SPATA31E1: variants seen among roughly 807,000 people sequenced by gnomAD.
SPATA31E1 encodes the protein SPATA31 subfamily E member 1, also known as spermatogenesis-associated protein 31E1.
SPATA31E1 carries 7 observed loss-of-function variants against 12.9 expected under a neutral mutation model. That is an observed-to-expected ratio of 0.54 (90% CI 0.31 to 1.02). The LOEUF (loss-of-function observed/expected upper bound fraction) is 1.02, where lower values mean the gene tolerates loss of function less well. Ranked by LOEUF, SPATA31E1 falls within the 50% of genes least tolerant of loss-of-function variation. The pLI is 0.05. For missense variants in SPATA31E1, 1,961 were observed against 1,799.8 expected, an observed-to-expected ratio of 1.09 and a Z score of -1.62; for synonymous variants, 771 against 719.0, an observed-to-expected ratio of 1.07 and a Z score of -1.16.
chr9:87,886,335 C>CA lies in SPATA31E1; in HGVS notation c.1848_1849insA (p.Gly617ArgfsTer7). Reference sequence around the variant, plus strand: ...GCCCCAAGTCAGCCCCCATCCTTCCCGGGGTTGTCACCAGCCCTGAGCTCC... The same window carrying CA: ...GCCCCAAGTCAGCCCCCATCCTTCCCAGGGGTTGTCACCAGCCCTGAGCTCC... On this transcript the variant is annotated frameshift_variant, in exon 4 of 4. Coordinates refer to ENST00000325643, the MANE Select transcript of SPATA31E1 (RefSeq NM_178828.5). LOFTEE classifies it low-confidence loss of function (END_TRUNC). 3 of 1,613,628 alleles carry CA rather than the reference C, an allele frequency of 1.9e-6. No individual in the cohort carries two copies. The South Asian group carries it at 3.3e-5, about 18-fold the overall frequency.
chr9:87,884,467 GA>G, intron 2 of SPATA31E1, 123 bp from the exon 3 acceptor site: 2 of 993,120 alleles, frequency 2.0e-6, no homozygotes, highest in Non-Finnish European at 3.1e-6. Flanking sequence ...TGTGGCCTCG[GA>G]CACAGATGCG....
intron 2 of SPATA31E1, among the ~76,000 whole-genome samples, 194 bp from the exon 3 acceptor site, chr9:87,884,393 GAAGC>G (rs1428844703): frequency 6.6e-6 from 1 of 152,236 alleles, no homozygotes; most frequent in Non-Finnish European, 1.5e-5. Flanking sequence ...GGTGGACGTG[GAAGC>G]ACTTTTTGCA....
rs747058228 is a variant in SPATA31E1 at position 87,887,371 on chromosome 9, C to G, written c.2884C>G (p.Pro962Ala). The G allele has an allele frequency of 3.8e-5, 62 of 1,613,692 alleles. No homozygotes were observed. In the East Asian group the frequency reaches 1.2e-3, roughly 30 times the overall value. ...CAAGGGCAGGGGGTGTTCTCAGCCC[C>G]CAACATGCAGCCTTGTGGGCAGAAC... ...GHKGRGCSQPPTCSLVGRTWQ... is the reference protein window; with the variant it reads ...GHKGRGCSQPATCSLVGRTWQ... Residue 962 changes from proline to alanine, a missense_variant, in exon 4 of 4, where the codon CCA becomes GCA. Coordinates refer to ENST00000325643, the MANE Select transcript of SPATA31E1 (RefSeq NM_178828.5).
At position 87,887,819 on chromosome 9, in the gene SPATA31E1, A is replaced by C; in HGVS notation, c.3332A>C (p.Gln1111Pro). ...ATAGTGCAGGTGGACTCAGAGGAGC[A>C]GCTGCCAGGCCGTGCCCCGGGCATC... Reference protein sequence around the residue: ...ALIVQVDSEEQLPGRAPGILL... With the variant: ...ALIVQVDSEEPLPGRAPGILL... The change falls in exon 4 of 4, where the codon CAG (glutamine) becomes CCG (proline). Residue 1111 changes from glutamine to proline, a missense_variant. Transcript: ENST00000325643. 1 of 1,613,940 alleles carries C rather than the reference A, an allele frequency of 6.2e-7. No homozygotes were observed. The highest frequency in any genetic ancestry group is 8.5e-7 in the Non-Finnish European group (1 of 1,180,018).
At chr9:87,883,221 C>A (rs1391101008) in intron 1 of SPATA31E1, 21 bp downstream of exon 1, 1 of 1,551,812 alleles carries the variant, frequency 6.4e-7, no homozygotes, top group Non-Finnish European at 8.8e-7. Flanking sequence ...CTCAGCCCAG[C>A]CCCACAGAGA....
At position 87,885,899 on chromosome 9, in the gene SPATA31E1, T is replaced by G. The variant is rs773103658; in HGVS notation, c.1412T>G (p.Leu471Arg). Residue 471 changes from leucine to arginine, a missense_variant, in exon 4 of 4, where the codon CTG becomes CGG. Physicochemically the swap from Leu to Arg is moderately radical, Grantham distance 102. Coordinates refer to ENST00000325643, the MANE Select transcript of SPATA31E1 (RefSeq NM_178828.5). The stretch of plus-strand genomic sequence containing the variant: ...TCACAGAATGCACACTCTGTACCAC[T>G]GGATAAAGCCTCCACTTCTCTTCCA... ...PSSQNAHSVP[L>R]DKASTSLPGE... 10 of 1,613,928 alleles carry G rather than the reference T, an allele frequency of 6.2e-6. No homozygotes were observed. In the Admixed American group the frequency reaches 1.7e-4, roughly 27 times the overall value.
At position 87,886,603 on chromosome 9, in the gene SPATA31E1, G is replaced by A. The variant is rs769870805; in HGVS notation, c.2116G>A (p.Gly706Arg). ...GAGCTCCGGAAGGTTCTCTGACAAG[G>A]GGTGCTTAGGGTCCAAACTAGGGCC... ...FRSSGRFSDK[G>R]CLGSKLGPDP... The change falls in exon 4 of 4, where the codon GGG becomes AGG. Residue 706 changes from glycine (G) to arginine (R), a missense_variant. Transcript: ENST00000325643. The A allele has an allele frequency of 1.9e-6, 3 of 1,614,040 alleles. No individual in the cohort carries two copies. In the South Asian group the frequency reaches 3.3e-5, roughly 18 times the overall value.
At position 87,887,873 on chromosome 9, in the gene SPATA31E1, G is replaced by C. The variant is rs1238043009; in HGVS notation, c.3386G>C (p.Cys1129Ser). 1 of 1,613,794 alleles carries C rather than the reference G, an allele frequency of 6.2e-7. No individual in the cohort carries two copies. The highest frequency in any genetic ancestry group is 8.5e-7 in the Non-Finnish European group (1 of 1,180,034). ...ILLQDGATGL[C>S]LPGRHMDMLT... is the part of the protein sequence containing the mutation. ...CTCCAGGACGGCGCCACAGGCCTGT[G>C]CCTTCCAGGCCGCCACATGGACATG... is the stretch of plus-strand genomic sequence containing the variant. Residue 1129 changes from cysteine to serine, a missense_variant, in exon 4 of 4, where the codon TGC (cysteine) becomes TCC (serine). Transcript: ENST00000325643.
intron 3 of SPATA31E1, 24 bp downstream of exon 3, chr9:87,884,675 C>G: frequency 6.2e-7 from 1 of 1,613,870 alleles, no homozygotes; most frequent in Non-Finnish European, 8.5e-7. Context: ...CCCTTCTGTC[C>G]CTGTCCTCCT....
chr9:87,885,071 C>G lies in SPATA31E1; in HGVS notation c.584C>G (p.Pro195Arg), dbSNP rs556437428. Residue 195 changes from proline (P) to arginine (R), a missense_variant, in exon 4 of 4, where the codon CCA (proline) becomes CGA (arginine). Pro to Arg is a moderately radical substitution (Grantham distance 103). Transcript: ENST00000325643. Reference protein sequence around the residue: ...SPASLSPPAPPAPLASTLSPG... With the variant: ...SPASLSPPAPRAPLASTLSPG... Reference sequence around the variant, plus strand: ...GCCAGCTTGTCCCCACCAGCTCCCCCAGCTCCTCTGGCCTCCACCCTGTCA... The same window carrying G: ...GCCAGCTTGTCCCCACCAGCTCCCCGAGCTCCTCTGGCCTCCACCCTGTCA... 1.3e-4 allele frequency: 206 copies of G among 1,614,202 alleles called. 3 individuals are homozygous for G. In the South Asian group the frequency reaches 2.1e-3, roughly 16 times the overall value.
In SPATA31E1 at chr9:87,888,012, G is replaced by A. The variant is rs970310947; in HGVS notation, c.3525G>A (p.Gly1175=). 6.2e-7 allele frequency: 1 copy of A among 1,613,002 alleles called. No homozygotes were observed. Among genetic ancestry groups the A allele is most frequent in the Admixed American group, 1.7e-5 (1 of 59,944 alleles). Residue 1175 remains glycine, a synonymous_variant, in exon 4 of 4, where the codon GGG becomes GGA. Transcript: ENST00000325643. ...QGPCALLWKG[G]DSPGQQEPGS... ...CATGTGCCCTCCTATGGAAGGGAGG[G>A]GACAGTCCAGGGCAGCAGGAGCCTG... is the stretch of plus-strand genomic sequence containing the variant.
Position 87,886,578 on chromosome 9 carries a change from G to C in SPATA31E1, c.2091G>C (p.Arg697Ser). The C allele has an allele frequency of 6.2e-7, 1 of 1,614,108 alleles. No individual in the cohort carries two copies. Among genetic ancestry groups the C allele is most frequent in the Non-Finnish European group, 8.5e-7 (1 of 1,180,028 alleles). ...AGGATGTGCAGAAGACCGGGTTCAG[G>C]AGCTCCGGAAGGTTCTCTGACAAGG... ...GRKDVQKTGF[R>S]SSGRFSDKGC... Residue 697 changes from arginine (R) to serine (S), a missense_variant, in exon 4 of 4, where the codon AGG becomes AGC. Physicochemically the swap from Arg to Ser is moderately radical, Grantham distance 110. Transcript: ENST00000325643.
Position 87,887,981 on chromosome 9 carries a change from A to G in SPATA31E1, c.3494A>G (p.Gln1165Arg). The change falls in exon 4 of 4, where the codon CAG (glutamine) becomes CGG (arginine). Residue 1165 changes from glutamine to arginine, a missense_variant. By Grantham distance (43) the Gln-to-Arg change is conservative. Coordinates refer to ENST00000325643, the MANE Select transcript of SPATA31E1 (RefSeq NM_178828.5). The part of the protein sequence containing the change: ...SVSGKNMTAS[Q>R]GPCALLWKGG... Reference sequence around the variant, plus strand: ...TCTGGTAAGAACATGACAGCTTCCCAGGGGCCATGTGCCCTCCTATGGAAG... The same window carrying G: ...TCTGGTAAGAACATGACAGCTTCCCGGGGGCCATGTGCCCTCCTATGGAAG... 6.2e-7 allele frequency: 1 copy of G among 1,613,736 alleles called. No individual in the cohort carries two copies. The highest frequency in any genetic ancestry group is 1.1e-5 in the South Asian group (1 of 91,082).
In SPATA31E1 at chr9:87,884,451, G is replaced by A. The variant is rs527416296; in HGVS notation, c.365-140G>A. 7.5e-4 allele frequency: 630 copies of A among 839,548 alleles called. 13 individuals are homozygous for A. In the South Asian group the frequency reaches 9.5e-3, roughly 13 times the overall value. The allele number at this position is 839,548 out of a possible 1,614,324, so 52.0% of individuals were successfully genotyped here. ...AGTGGAAACCTTCCTGTCACCATTG[G>A]GGCCATGTGGCCTCGGACACAGATG... On this transcript the variant is annotated intron_variant, in intron 2 of 3. Coordinates refer to ENST00000325643, the MANE Select transcript of SPATA31E1 (RefSeq NM_178828.5).
chr9:87,884,181 GCGGGAATGAAGCCA>G lies in SPATA31E1; in HGVS notation c.364+140_364+153del, dbSNP rs914279354. 3.3e-5 allele frequency: 39 copies of G among 1,189,650 alleles called. 1 individual carries two copies. In the Admixed American group the frequency reaches 4.4e-4, roughly 14 times the overall value. The allele number at this position is 1,189,650 out of a possible 1,614,324, so 73.7% of individuals were successfully genotyped here. A position where few individuals can be genotyped will look rare whatever the true frequency, so the allele number is the denominator to read the frequency against. ...AACCTGCGGCCTCCTCAGATTCCCT[GCGGGAATGAAGCCA>G]CGGGCCTGGGACCGGTATTGCCCAT... On this transcript the variant is annotated intron_variant, in intron 2 of 3. Coordinates refer to ENST00000325643, the MANE Select transcript of SPATA31E1 (RefSeq NM_178828.5).
In SPATA31E1 at chr9:87,882,879, T is replaced by G; in HGVS notation, c.-13T>G. The G allele has an allele frequency of 6.2e-7, 1 of 1,607,682 alleles. No individual in the cohort carries two copies. The highest frequency in any genetic ancestry group is 1.3e-5 in the African/African-American group (1 of 74,848). ...CCCAAAGGGGATGCCCAGAGCTCAG[T>G]TGCTTGAAGGCGATGGGAAATCTCG... On this transcript the variant is annotated 5_prime_UTR_variant, in exon 1 of 4. Coordinates refer to ENST00000325643, the MANE Select transcript of SPATA31E1 (RefSeq NM_178828.5).
At position 87,887,664 on chromosome 9, in the gene SPATA31E1, T is replaced by G. The variant is rs746786252; in HGVS notation, c.3177T>G (p.Ser1059Arg). The part of the protein sequence containing the change: ...LGASVRASSG[S>R]VQEDLRSTGA... The stretch of plus-strand genomic sequence containing the variant: ...CCAGTGTGAGGGCAAGTTCGGGAAG[T>G]GTTCAGGAGGATCTGAGGAGCACAG... The change falls in exon 4 of 4, where the codon AGT (serine) becomes AGG (arginine). Residue 1059 changes from serine (S) to arginine (R), a missense_variant. By Grantham distance (110) the Ser-to-Arg change is moderately radical. Transcript: ENST00000325643. 6.2e-7 allele frequency: 1 copy of G among 1,614,062 alleles called. No homozygotes were observed.
At position 87,885,769 on chromosome 9, in the gene SPATA31E1, G is replaced by A. The variant is rs368642338; in HGVS notation, c.1282G>A (p.Val428Met). The change falls in exon 4 of 4, where the codon GTG becomes ATG. Residue 428 changes from valine to methionine, a missense_variant. By Grantham distance (21) the Val-to-Met change is conservative (BLOSUM62 1). Coordinates refer to ENST00000325643, the MANE Select transcript of SPATA31E1 (RefSeq NM_178828.5). The stretch of plus-strand genomic sequence containing the variant: ...TCAGCAAGTCTCTGATGCCACAACC[G>A]TGGGGAACCACTTACAGCAGAAACG... ...RPQQVSDATTVGNHLQQKRSQ... is the reference protein window; with the variant it reads ...RPQQVSDATTMGNHLQQKRSQ... The A allele has an allele frequency of 2.0e-5, 33 of 1,613,798 alleles. 2 individuals are homozygous for A. In the South Asian group the frequency reaches 2.6e-4, roughly 13 times the overall value.
At position 87,887,874 on chromosome 9, in the gene SPATA31E1, C is replaced by T. The variant is rs1828312287; in HGVS notation, c.3387C>T (p.Cys1129=). The stretch of plus-strand genomic sequence containing the variant: ...TCCAGGACGGCGCCACAGGCCTGTG[C>T]CTTCCAGGCCGCCACATGGACATGC... ...ILLQDGATGL[C]LPGRHMDMLT... is the part of the protein sequence containing the mutation. The change falls in exon 4 of 4, where the codon TGC becomes TGT. Residue 1129 remains cysteine (C), a synonymous_variant. Transcript: ENST00000325643. 1 of 1,613,786 alleles carries T rather than the reference C, an allele frequency of 6.2e-7. No individual in the cohort carries two copies. Among genetic ancestry groups the T allele is most frequent in the African/African-American group, 1.3e-5 (1 of 75,068 alleles).
Sources: gnomAD v4.1 joint callset for allele counts (sites outside exome capture counted in the v4.1 genomes callset) on GRCh38, gnomAD v4.1.1 for gene constraint, MANE v1.5 for transcripts, NCBI Gene and HGNC (gene_info 2026-07-23, HGNC 2026-07-21) for gene names.